The following FNBP1 variants were observed in gnomAD, a reference collection of about 807,000 sequenced individuals.
FNBP1 encodes the protein formin-binding protein 1.
In FNBP1, 26 loss-of-function variants were observed where a neutral mutation model predicts 90.6. The ratio of observed to expected loss-of-function variants is 0.29; its 90% CI spans 0.21 to 0.40. The LOEUF (loss-of-function observed/expected upper bound fraction) is 0.40, where lower values mean the gene tolerates loss of function less well. FNBP1 is among the 10% of genes least tolerant of loss of function. FNBP1 has a pLI of 1.00. For missense variants in FNBP1, 635 were observed against 768.0 expected (o/e 0.83, Z 2.05); for synonymous variants, 260 against 265.2 (o/e 0.98, Z 0.19).
rs2048607135 is a variant in FNBP1, at chr9:129,966,164, A to C, written c.346-7611T>G. On this transcript the variant is annotated intron_variant, in intron 4 of 16. Transcript: ENST00000446176. The surrounding 1 kb of genome is among the most constrained non-coding windows in gnomAD (Gnocchi z 4.3). ...AGGAGGGATGGGTGTAGGTGAAGGT[A>C]GCTATTTTAGACAAGGGCAGTCTGG... 6.6e-6 allele frequency among the ~76,000 whole-genome samples: 1 copy of C among 152,158 alleles called. No homozygotes were observed.
chr9:129,964,492 CACTT>C (rs2048284063), intron 4 of FNBP1, among the ~76,000 whole-genome samples: 1 of 152,052 alleles, frequency 6.6e-6, no homozygotes, highest in Admixed American at 6.5e-5. Flanking sequence ...GTGACAGCTA[CACTT>C]ACTTATTTCA....
intron 6 of FNBP1, among the ~76,000 whole-genome samples, chr9:129,943,445 G>A (rs1661944744): frequency 7.2e-6 from 1 of 139,644 alleles, no homozygotes; most frequent in East Asian, 2.2e-4. Context: ...GGAGTGCAGT[G>A]GCGTGATCTT....
At chr9:130,048,045 C>T (rs544291294), upstream of FNBP1, among the ~76,000 whole-genome samples, 1 of 152,020 alleles carries the variant, frequency 6.6e-6, no homozygotes, top group African/African-American at 2.4e-5. Context: ...CTTGGCCAGA[C>T]GCAGTGGCTC....
intron 15 of FNBP1, among the ~76,000 whole-genome samples, chr9:129,896,249 C>T (rs553612782): frequency 6.6e-6 from 1 of 152,324 alleles, no homozygotes; most frequent in South Asian, 2.1e-4. Flanking sequence ...TCTTTCTCCT[C>T]CCTCCCAGAA....
chr9:130,046,184 C>T (rs1018742660), upstream of FNBP1, among the ~76,000 whole-genome samples: 3 of 152,080 alleles, frequency 2.0e-5, no homozygotes, highest in African/African-American at 7.2e-5. Context: ...TGACTGATGG[C>T]TGACAGTCCC....
In FNBP1 at chr9:129,979,494, G is replaced by GA; in HGVS notation, c.141-121dup. On this transcript the variant is annotated intron_variant, in intron 2 of 16. Transcript: ENST00000446176. ...AAACAAACAAAAAAAGTCCACAGCT[G>GA]AAATCCATTTCCTTCAATCTTTCAA... 6.0e-6 allele frequency: 4 copies of GA among 669,092 alleles called. No homozygotes were observed. The South Asian group carries it at 7.7e-5, about 13-fold the overall frequency. 41.4% of individuals were successfully genotyped at this position (669,092 alleles called of 1,614,324 possible).
At chr9:130,019,995 G>A (rs1319445354) in intron 1 of FNBP1, among the ~76,000 whole-genome samples, 1 of 152,178 alleles carries the variant, frequency 6.6e-6, no homozygotes, top group Non-Finnish European at 1.5e-5. Context: ...TCTAGCTGCT[G>A]ATTTGCCTTT....
intron 1 of FNBP1, among the ~76,000 whole-genome samples, chr9:129,995,348 T>C (rs924790510): frequency 1.3e-5 from 2 of 152,132 alleles, no homozygotes; most frequent in Admixed American, 6.6e-5. Flanking sequence ...AAACAGCTGA[T>C]TGAATCTGAG....
At chr9:130,005,999 A>AGTT (rs2055643863) in intron 1 of FNBP1, among the ~76,000 whole-genome samples, 1 of 151,640 alleles carries the variant, frequency 6.6e-6, no homozygotes, top group East Asian at 1.9e-4. Context: ...CCTGTGAGGT[A>AGTT]ACTGACAAAA....
chr9:129,892,043 G>A (rs1189523285), intron 16 of FNBP1, among the ~76,000 whole-genome samples: 1 of 152,120 alleles, frequency 6.6e-6, no homozygotes, highest in Admixed American at 6.5e-5. Flanking sequence ...ACTCAAGTGC[G>A]GAGCCGCAGC....
At chr9:129,947,941 A>G (rs2045580688) in intron 6 of FNBP1, among the ~76,000 whole-genome samples, 1 of 151,332 alleles carries the variant, frequency 6.6e-6, no homozygotes, top group Non-Finnish European at 1.5e-5. Context: ...TTTTTAAAAG[A>G]TAAGTCCATG....
chr9:129,986,682 C>T (rs1325740027), intron 2 of FNBP1, among the ~76,000 whole-genome samples: 3 of 151,522 alleles, frequency 2.0e-5, no homozygotes, highest in Non-Finnish European at 4.4e-5. Flanking sequence ...CCCAGCTACT[C>T]GGGAGGCTGA....
chr9:130,038,638 G>T (rs1421120995), intron 1 of FNBP1, among the ~76,000 whole-genome samples: 1 of 151,974 alleles, frequency 6.6e-6, no homozygotes, highest in Non-Finnish European at 1.5e-5. Flanking sequence ...GTCGTGATCT[G>T]CCCGCCTTGG....
In FNBP1 at chr9:130,043,010, G is replaced by A; in HGVS notation, c.-35C>T. 8.2e-7 allele frequency: 1 copy of A among 1,223,716 alleles called. No homozygotes were observed. Among genetic ancestry groups the A allele is most frequent in the Non-Finnish European group, 1.0e-6 (1 of 983,056 alleles). 75.8% of individuals were successfully genotyped at this position (1,223,716 alleles called of 1,614,324 possible). A position where few individuals can be genotyped will look rare whatever the true frequency, so the allele number is the denominator to read the frequency against. On this transcript the variant is annotated 5_prime_UTR_variant, in exon 1 of 17. Transcript: ENST00000446176. ...GACGCGAAGGGGCGCTCCGCGCGGC[G>A]GGCGCGGCTCTCTGGTCCCCCTCCC...
chr9:129,998,203 AAAAAAAAAG>A, intron 1 of FNBP1, among the ~76,000 whole-genome samples: 1 of 135,166 alleles, frequency 7.4e-6, no homozygotes, highest in Admixed American at 7.6e-5. Flanking sequence ...CTCGAAAAAA[AAAAAAAAAG>A]AAAAAAAATG....
At chr9:129,926,873 G>A (rs1289118959) in intron 8 of FNBP1, among the ~76,000 whole-genome samples, 14 of 147,820 alleles carry the variant, frequency 9.5e-5, no homozygotes, top group African/African-American at 2.8e-4. Context: ...GCAACAGAGC[G>A]AGATTCCATC....
intron 6 of FNBP1, among the ~76,000 whole-genome samples, chr9:129,954,149 G>A (rs1448063367): frequency 6.6e-6 from 1 of 152,024 alleles, no homozygotes; most frequent in African/African-American, 2.4e-5. Flanking sequence ...ATTAAGGTGA[G>A]AACATATTAT....
intron 4 of FNBP1, among the ~76,000 whole-genome samples, chr9:129,969,308 T>G (rs1187715829): frequency 6.6e-6 from 1 of 152,238 alleles, no homozygotes; most frequent in Non-Finnish European, 1.5e-5. Context: ...TCAAGAACCA[T>G]AAATCATGTA....
rs2036703630 is a variant in FNBP1 at position 129,900,485 on chromosome 9, G to A, written c.1491C>T (p.Ser497=). The A allele has an allele frequency of 5.0e-6, 8 of 1,601,868 alleles. No homozygotes were observed. The highest frequency in any genetic ancestry group is 6.0e-6 in the Non-Finnish European group (7 of 1,174,992). Reference sequence around the variant, plus strand: ...GTGGGTTCTGGCTGTCGTACAGTCCGCTCTGCCGGCGCGCCTGCTCGCTGC... The same window carrying A: ...GTGGGTTCTGGCTGTCGTACAGTCCACTCTGCCGGCGCGCCTGCTCGCTGC... ...PARSEQARRQ[S]GLYDSQNPPT... Residue 497 remains serine (S), a synonymous_variant, in exon 14 of 17, where the codon AGC becomes AGT. Coordinates refer to ENST00000446176, the MANE Select transcript of FNBP1 (RefSeq NM_015033.3). The surrounding 1 kb of genome is among the most constrained non-coding windows in gnomAD (Gnocchi z 4.1).
Sources: allele counts gnomAD v4.1 joint callset (sites outside exome capture counted in the v4.1 genomes callset), GRCh38; gene constraint gnomAD v4.1.1; non-coding constraint Gnocchi (gnomAD v3.1); transcripts MANE v1.5; gene names NCBI Gene and HGNC (gene_info 2026-07-23, HGNC 2026-07-21).